ST7: variants seen among roughly 807,000 people sequenced by gnomAD.
The protein encoded by ST7 is suppressor of tumorigenicity 7 protein.
A neutral mutation model predicts 78.7 loss-of-function variants in ST7; 28 were observed. The ratio of observed to expected loss-of-function variants is 0.36; its 90% confidence interval spans 0.26 to 0.49. ST7 has a LOEUF of 0.49. ST7 is among the 20% of genes least tolerant of loss of function. The pLI is 0.99. For synonymous variants in ST7, 247 were observed against 249.6 expected (o/e 0.99, Z 0.10); for missense variants, 418 against 696.0 (o/e 0.60, Z 4.49).
chr7:117,043,945 A>G (rs888516621), intron 1 of ST7, among the ~76,000 whole-genome samples: 6 of 152,066 alleles, frequency 3.9e-5, no homozygotes, highest in Admixed American at 3.9e-4. Context: ...TTACATTTGC[A>G]TTTTTTAGGG....
intron 1 of ST7, among the ~76,000 whole-genome samples, chr7:117,044,180 C>A (rs923344901): frequency 1.3e-5 from 2 of 152,144 alleles, no homozygotes; most frequent in African/African-American, 4.8e-5. Context: ...GGATCATTGG[C>A]AGTTTTGATT....
At chr7:117,088,862 C>T (rs987581388) in intron 1 of ST7, among the ~76,000 whole-genome samples, 1 of 152,146 alleles carries the variant, frequency 6.6e-6, no homozygotes, top group African/African-American at 2.4e-5. Flanking sequence ...TAATAGCTCT[C>T]TACAGTGACA....
intron 12 of ST7, among the ~76,000 whole-genome samples, chr7:117,203,978 G>A (rs1054589622): frequency 6.6e-6 from 1 of 152,208 alleles, no homozygotes; most frequent in African/African-American, 2.4e-5. Flanking sequence ...GAACAGAGAA[G>A]TGAACCAGGA....
rs1805171220 is a variant in ST7, at chr7:117,140,324, A to AG, written c.963+1793dup. Among the ~76,000 whole-genome samples, 6 of 152,310 alleles carry AG rather than the reference A, an allele frequency of 3.9e-5. 1 individual carries two copies. Among genetic ancestry groups the AG allele is most frequent in the Admixed American group, 3.9e-4 (6 of 15,294 alleles). ...GTCAAAACACCTGGATGTGGATCTC[A>AG]GCTTTGCTCTTTACCAGCTTCATGA... On this transcript the variant is annotated intron_variant, in intron 9 of 15. Coordinates refer to ENST00000323984, the MANE Select transcript of ST7 (RefSeq NM_001369598.1).
chr7:117,150,781 A>G (rs1806180064), intron 9 of ST7, among the ~76,000 whole-genome samples: 1 of 152,218 alleles, frequency 6.6e-6, no homozygotes, highest in African/African-American at 2.4e-5. Context: ...TGACATCATT[A>G]CTTAGGTATC....
chr7:117,151,256 C>A (rs1399548659), intron 9 of ST7, among the ~76,000 whole-genome samples: 4 of 152,208 alleles, frequency 2.6e-5, no homozygotes, highest in Non-Finnish European at 5.9e-5. Flanking sequence ...TGTATGTGGT[C>A]TGCGAGGCCT....
chr7:117,020,604 A>C, intron 1 of ST7: 1 of 1,550,286 alleles, frequency 6.5e-7, no homozygotes, highest in Non-Finnish European at 8.7e-7. Flanking sequence ...CTCTGGAGCC[A>C]GCCATGTTTG....
intron 1 of ST7, among the ~76,000 whole-genome samples, chr7:117,051,603 A>G (rs924568345): frequency 6.6e-6 from 1 of 152,202 alleles, no homozygotes; most frequent in African/African-American, 2.4e-5. Flanking sequence ...ATTATATGGA[A>G]AGTGGACAGG....
intron 9 of ST7, among the ~76,000 whole-genome samples, chr7:117,148,198 G>A (rs1805962463): frequency 6.6e-6 from 1 of 151,806 alleles, no homozygotes. Flanking sequence ...ATATTTTGAG[G>A]TTTTGTTGTT....
At chr7:117,187,554 A>C (rs529960924) in intron 10 of ST7, 1 of 152,286 alleles carries the variant, frequency 6.6e-6, no homozygotes, top group African/African-American at 2.4e-5. Context: ...TTGATTAGGC[A>C]TCTCTAGTCA....
chr7:117,218,757 T>C (rs918745821), intron 13 of ST7, among the ~76,000 whole-genome samples: 1 of 152,170 alleles, frequency 6.6e-6, no homozygotes, highest in African/African-American at 2.4e-5. Flanking sequence ...TTTAGCTATA[T>C]TGAATTAGTG....
At chr7:117,222,978 T>A (rs1168421046) in intron 15 of ST7, 2 of 1,601,510 alleles carry the variant, frequency 1.2e-6, no homozygotes, top group Non-Finnish European at 1.7e-6. Context: ...TTTCCAAAAC[T>A]GAACTCATCA....
chr7:117,164,092 T>C (rs1465113134), intron 9 of ST7, among the ~76,000 whole-genome samples: 2 of 152,164 alleles, frequency 1.3e-5, no homozygotes, highest in African/African-American at 4.8e-5. Flanking sequence ...GCTGGAGGCA[T>C]CATACTATAA....
intron 1 of ST7, among the ~76,000 whole-genome samples, chr7:116,966,593 G>A (rs2116215810): frequency 6.6e-6 from 1 of 152,288 alleles, no homozygotes; most frequent in South Asian, 2.1e-4. Flanking sequence ...GTGTTCATAA[G>A]TGAATGCTAC....
At chr7:117,094,358 A>C (rs1800863897) in intron 1 of ST7, among the ~76,000 whole-genome samples, 2 of 152,156 alleles carry the variant, frequency 1.3e-5, no homozygotes, top group African/African-American at 4.8e-5. Flanking sequence ...TTACCTGGTT[A>C]ACTTTCTATT....
intron 15 of ST7, among the ~76,000 whole-genome samples, 177 bp downstream of exon 15, chr7:117,222,239 G>A (rs1793146134): frequency 6.6e-6 from 1 of 152,220 alleles, no homozygotes; most frequent in Admixed American, 6.5e-5. Context: ...GGTCAAATGA[G>A]AAAGTGCAGG....
Position 117,221,954 on chromosome 7 carries a change from G to A in ST7, c.1530G>A (p.Lys510=), listed in dbSNP as rs1195242277. 1.2e-6 allele frequency: 2 copies of A among 1,611,988 alleles called. No individual in the cohort carries two copies. The highest frequency in any genetic ancestry group is 1.7e-5 in the Admixed American group (1 of 59,750). ...ATGAAGTCTCAGTTTACCCAAAGAA[G>A]GAGCTTCCCTTCTTTATTCTCTTTA... ...SFHEVSVYPK[K]ELPFFILFTA... is the part of the protein sequence containing the mutation. The change falls in exon 15 of 16, where the codon AAG becomes AAA. Residue 510 remains lysine (K), a synonymous_variant. Transcript: ENST00000323984.
chr7:116,968,278 TCCCTCCC>T (rs1562983208), intron 1 of ST7: 1 of 6,690 alleles, frequency 1.5e-4, no homozygotes, highest in African/African-American at 3.7e-4. Context: ...CCTCCCTCCC[TCCCTCCC>T]TCCCTCCCTC....
chr7:117,110,078 A>G (rs1011227949), intron 2 of ST7, among the ~76,000 whole-genome samples: 5 of 152,216 alleles, frequency 3.3e-5, no homozygotes, highest in Non-Finnish European at 7.3e-5. Flanking sequence ...CTTACTAAAT[A>G]TATGCCCCAA....
Sources: allele counts gnomAD v4.1 joint callset (sites outside exome capture counted in the v4.1 genomes callset), GRCh38; gene constraint gnomAD v4.1.1; transcripts MANE v1.5; gene names NCBI Gene and HGNC (gene_info 2026-07-23, HGNC 2026-07-21).